Variants in NTRK3 observed in about 807,000 individuals in gnomAD.
NTRK3 encodes the protein neurotrophic receptor tyrosine kinase 3, also known as NT-3 growth factor receptor.
In NTRK3, 24 loss-of-function variants were observed where a neutral mutation model predicts 91.7. That is an observed-to-expected ratio of 0.26 (90% CI 0.19 to 0.37). NTRK3 has a LOEUF of 0.37. NTRK3 is among the 10% of genes least tolerant of loss of function. The probability of loss-of-function intolerance (pLI) is 1.00; values close to 1 mark genes in which losing one functional copy is unlikely to be tolerated. For missense variants in NTRK3, 880 were observed against 1,068.9 expected, an observed-to-expected ratio of 0.82 and a Z score of 2.46; for synonymous variants, 483 against 404.0, an observed-to-expected ratio of 1.20 and a Z score of -2.34.
chr15:88,072,971 A>G, intron 13 of NTRK3: 1 of 213,660 alleles, frequency 4.7e-6, no homozygotes, highest in South Asian at 1.9e-4. Context: ...CAATCCTCAC[A>G]ACAATCTTAG....
intron 13 of NTRK3, among the ~76,000 whole-genome samples, chr15:88,121,870 T>C (rs1315218515): frequency 6.6e-6 from 1 of 152,226 alleles, no homozygotes; most frequent in African/African-American, 2.4e-5. Flanking sequence ...TAGCACCATC[T>C]TAAAACCTTT....
intron 13 of NTRK3, among the ~76,000 whole-genome samples, chr15:88,091,086 G>T (rs976030684): frequency 4.6e-5 from 7 of 152,160 alleles, no homozygotes; most frequent in African/African-American, 1.4e-4. Flanking sequence ...GGAGTGGAGC[G>T]GCTGACCTCT....
chr15:88,099,533 T>G (rs1044892303), intron 13 of NTRK3, among the ~76,000 whole-genome samples: 1 of 152,184 alleles, frequency 6.6e-6, no homozygotes, highest in Non-Finnish European at 1.5e-5. Flanking sequence ...CTGAAACTCT[T>G]AATGATTCAT....
At chr15:88,143,605 C>T (rs1243201942) in intron 6 of NTRK3, among the ~76,000 whole-genome samples, 5 of 152,130 alleles carry the variant, frequency 3.3e-5, no homozygotes. Flanking sequence ...TCCTTCTTCA[C>T]AAATTTATTA....
chr15:87,898,707 T>C (rs1393457104), intron 17 of NTRK3, among the ~76,000 whole-genome samples: 1 of 151,016 alleles, frequency 6.6e-6, no homozygotes, highest in Non-Finnish European at 1.5e-5. Context: ...GATTCTAGGC[T>C]GGGTGCTGTG....
chr15:88,028,059 T>C (rs78221432), intron 14 of NTRK3, among the ~76,000 whole-genome samples: 4,843 of 150,360 alleles, frequency 0.032, 96 homozygotes, highest in South Asian at 0.079. Context: ...GGAGGGAAAA[T>C]GGGCATTTCA....
intron 14 of NTRK3, among the ~76,000 whole-genome samples, chr15:88,023,998 C>T (rs951850079): frequency 6.6e-5 from 10 of 152,196 alleles, no homozygotes; most frequent in Non-Finnish European, 1.0e-4. Context: ...CATTACCCTA[C>T]GCTAAGCGAT....
intron 17 of NTRK3, among the ~76,000 whole-genome samples, chr15:87,926,109 C>A (rs1449202151): frequency 6.6e-6 from 1 of 152,156 alleles, no homozygotes; most frequent in Non-Finnish European, 1.5e-5. Flanking sequence ...ATGGTGGTTG[C>A]ACATTAGGAT....
intron 16 of NTRK3, among the ~76,000 whole-genome samples, chr15:87,930,838 A>C (rs937877664): frequency 3.3e-5 from 5 of 152,130 alleles, no homozygotes; most frequent in Non-Finnish European, 5.9e-5. Flanking sequence ...TTTTGCTGCA[A>C]AATTGCCCCA....
At chr15:88,070,475 A>G (rs2047005485) in intron 13 of NTRK3, among the ~76,000 whole-genome samples, 1 of 152,124 alleles carries the variant, frequency 6.6e-6, no homozygotes, top group South Asian at 2.1e-4. Flanking sequence ...AGGAGCAGAG[A>G]AACATGACAA....
intron 3 of NTRK3, among the ~76,000 whole-genome samples, chr15:88,215,827 T>C (rs1036672178): frequency 6.6e-6 from 1 of 152,194 alleles, no homozygotes; most frequent in African/African-American, 2.4e-5. Flanking sequence ...GCAAAGAATA[T>C]GAAATTGAAA....
intron 14 of NTRK3, chr15:87,981,426 G>A: frequency 6.2e-7 from 1 of 1,612,054 alleles, no homozygotes; most frequent in Non-Finnish European, 8.5e-7. Context: ...AAAAAACATG[G>A]GAAAGTATTT....
intron 13 of NTRK3, among the ~76,000 whole-genome samples, chr15:88,056,615 T>A (rs986880341): frequency 3.9e-5 from 6 of 152,218 alleles, no homozygotes; most frequent in African/African-American, 9.6e-5. Context: ...ACAAAAAGAC[T>A]GCATTTTCAC....
At chr15:88,019,587 G>A (rs532630697) in intron 14 of NTRK3, among the ~76,000 whole-genome samples, 1 of 152,174 alleles carries the variant, frequency 6.6e-6, no homozygotes, top group Admixed American at 6.5e-5. Flanking sequence ...ACTACTTAGG[G>A]GCTTTGGGAA....
At chr15:88,210,448 C>A (rs1235207856) in intron 3 of NTRK3, among the ~76,000 whole-genome samples, 1 of 152,194 alleles carries the variant, frequency 6.6e-6, no homozygotes, top group African/African-American at 2.4e-5. Flanking sequence ...TACAGAATGT[C>A]CTGTATCTCA....
intron 13 of NTRK3, among the ~76,000 whole-genome samples, chr15:88,045,001 T>C (rs955440261): frequency 1.3e-5 from 2 of 152,254 alleles, no homozygotes; most frequent in African/African-American, 4.8e-5. Flanking sequence ...TCTGGCCTCC[T>C]GTAGCCTCTT....
intron 14 of NTRK3, among the ~76,000 whole-genome samples, chr15:88,015,122 C>A (rs544826087): frequency 6.6e-6 from 1 of 152,314 alleles, no homozygotes; most frequent in South Asian, 2.1e-4. Context: ...CTGCCTGGAA[C>A]TGTCCCTAAA....
At chr15:88,136,568 G>T in exon 8 of NTRK3, 1 of 1,613,648 alleles carries the variant, frequency 6.2e-7, no homozygotes, top group Non-Finnish European at 8.5e-7. Context: ...TCACCCTCTC[G>T]TACGGTCAGG....
chr15:88,113,247 A>C (rs2051623731), intron 13 of NTRK3, among the ~76,000 whole-genome samples: 1 of 150,360 alleles, frequency 6.7e-6, no homozygotes, highest in Non-Finnish European at 1.5e-5. Flanking sequence ...AGCTATTAAT[A>C]TTATGACCTG....
Sources: allele counts gnomAD v4.1 joint callset (sites outside exome capture counted in the v4.1 genomes callset), GRCh38; gene constraint gnomAD v4.1.1; transcripts MANE v1.5; gene names NCBI Gene and HGNC (gene_info 2026-07-23, HGNC 2026-07-21).